KCNG3: variants seen among roughly 807,000 people sequenced by gnomAD.
KCNG3 encodes potassium voltage-gated channel modifier subfamily G member 3.
Under a neutral mutation model 29.0 loss-of-function variants are expected in KCNG3, and 15 were observed. The ratio of observed to expected loss-of-function variants is 0.52; its 90% confidence interval spans 0.35 to 0.80. The LOEUF (loss-of-function observed/expected upper bound fraction) is 0.80, where lower values mean the gene tolerates loss of function less well. Ranked by LOEUF, KCNG3 falls within the 30% of genes least tolerant of loss-of-function variation. The pLI is 0.01. For missense variants in KCNG3, 512 were observed against 605.7 expected, an observed-to-expected ratio of 0.85 and a Z score of 1.62; for synonymous variants, 322 against 248.9, an observed-to-expected ratio of 1.29 and a Z score of -2.76.
chr2:42,418,029 T>C, the KCNG3 span, among the ~76,000 whole-genome samples: 1 of 151,608 alleles, frequency 6.6e-6, no homozygotes, highest in African/African-American at 2.4e-5. Flanking sequence ...ATATATATAC[T>C]GACACAAAAT....
the KCNG3 span, among the ~76,000 whole-genome samples, chr2:42,394,248 G>A: frequency 6.6e-6 from 1 of 152,130 alleles, no homozygotes; most frequent in African/African-American, 2.4e-5. Context: ...AAGTGATAAG[G>A]GGCCCAACAA....
chr2:42,397,513 G>T, the KCNG3 span, among the ~76,000 whole-genome samples: 1 of 152,028 alleles, frequency 6.6e-6, no homozygotes, highest in African/African-American at 2.4e-5. Context: ...TTCAACTTTG[G>T]AATTATGGTT....
At chr2:42,401,288 AAG>A in the KCNG3 span, among the ~76,000 whole-genome samples, 1 of 150,444 alleles carries the variant, frequency 6.6e-6, no homozygotes, top group East Asian at 1.9e-4. Flanking sequence ...ACATTTTAAA[AAG>A]AAGAAAACAA....
At chr2:42,400,333 G>C in the KCNG3 span, among the ~76,000 whole-genome samples, 2 of 152,182 alleles carry the variant, frequency 1.3e-5, no homozygotes, top group Admixed American at 6.5e-5. Flanking sequence ...AAGAGACCAT[G>C]ACAGTGCCCA....
intron 1 of KCNG3, among the ~76,000 whole-genome samples, chr2:42,446,184 T>A (rs182194156): frequency 2.6e-5 from 4 of 151,758 alleles, no homozygotes; most frequent in Non-Finnish European, 5.9e-5. Flanking sequence ...ATTTTTTATT[T>A]TTTTTTAATT....
intron 1 of KCNG3, among the ~76,000 whole-genome samples, chr2:42,468,905 G>C (rs1476588447): frequency 7.9e-6 from 1 of 125,820 alleles, no homozygotes; most frequent in Non-Finnish European, 1.6e-5. Flanking sequence ...AGTGAGTCGA[G>C]ATCATGCCAC....
chr2:42,483,727 T>G (rs760222651), intron 1 of KCNG3, among the ~76,000 whole-genome samples: 2 of 152,188 alleles, frequency 1.3e-5, no homozygotes, highest in Non-Finnish European at 2.9e-5. Context: ...ATCCATGCAG[T>G]GGAATGCTAT....
chr2:42,487,491 A>G (rs113516838), intron 1 of KCNG3, among the ~76,000 whole-genome samples: 5,746 of 152,118 alleles, frequency 0.038, 130 homozygotes, highest in Middle Eastern at 0.082. Context: ...AGGTATAAAT[A>G]TCTCATTTTT....
At chr2:42,399,415 T>A in the KCNG3 span, among the ~76,000 whole-genome samples, 1 of 152,170 alleles carries the variant, frequency 6.6e-6, no homozygotes, top group African/African-American at 2.4e-5. Context: ...TTCCTCTGAG[T>A]AACGTGATGT....
the KCNG3 span, among the ~76,000 whole-genome samples, chr2:42,412,321 A>ATT: frequency 6.6e-6 from 1 of 152,250 alleles, no homozygotes; most frequent in Non-Finnish European, 1.5e-5. Context: ...TGAAGGCCTA[A>ATT]TTATTTTGGA....
At chr2:42,466,404 T>C (rs1416287442) in intron 1 of KCNG3, among the ~76,000 whole-genome samples, 1 of 152,146 alleles carries the variant, frequency 6.6e-6, no homozygotes, top group Non-Finnish European at 1.5e-5. Context: ...AGAGACTCTG[T>C]CTCAAACAAA....
the KCNG3 span, among the ~76,000 whole-genome samples, chr2:42,390,522 C>T: frequency 1.3e-5 from 2 of 152,056 alleles, no homozygotes; most frequent in African/African-American, 4.8e-5. Context: ...TCCCCAGGGG[C>T]AAAAGTGAAC....
rs760138394 is a variant in KCNG3 at position 42,493,047 on chromosome 2, C to T, written c.455G>A (p.Arg152His). Reference protein sequence around the residue: ...PGGAEAAPSRRWLERMRRTFE... With the variant: ...PGGAEAAPSRHWLERMRRTFE... ...GGTCCGCCGCATGCGCTCCAGCCAG[C>T]GCCTGGAGGGAGCCGCCTCGGCCCC... The change falls in exon 1 of 2, where the codon CGC (arginine) becomes CAC (histidine). Residue 152 changes from arginine (R) to histidine (H), a missense_variant. Arg to His is a conservative substitution (Grantham distance 29). Around this residue, in one of 5 missense-constraint regions of KCNG3, gnomAD observed 228 missense variants for 200.0 expected, o/e 1.14. Coordinates refer to ENST00000306078, the MANE Select transcript of KCNG3 (RefSeq NM_133329.6). The T allele has an allele frequency of 6.6e-7, 1 of 1,521,790 alleles. No individual in the cohort carries two copies. The highest frequency in any genetic ancestry group is 8.8e-7 in the Non-Finnish European group (1 of 1,139,532). 94.3% of individuals were successfully genotyped at this position (1,521,790 alleles called of 1,614,324 possible).
Position 42,492,900 on chromosome 2 carries a change from G to C in KCNG3, c.602C>G (p.Ala201Gly). Residue 201 changes from alanine (A) to glycine (G), a missense_variant, in exon 1 of 2, where the codon GCC becomes GGC. Physicochemically the swap from Ala to Gly is moderately conservative, Grantham distance 60. Around this residue, in one of 5 missense-constraint regions of KCNG3, gnomAD observed 228 missense variants for 200.0 expected, o/e 1.14. Transcript: ENST00000306078. The stretch of plus-strand genomic sequence containing the variant: ...CCGGTCATCCAGGCTGCGGTTGTCG[G>C]CGGCTGCGTTGCGCCAGTCGGGCAA... ...STLPDWRNAA[A>G]DNRSLDDRSR... 6.4e-7 allele frequency: 1 copy of C among 1,567,448 alleles called. No homozygotes were observed. The highest frequency in any genetic ancestry group is 8.6e-7 in the Non-Finnish European group (1 of 1,161,898).
intron 1 of KCNG3, chr2:42,469,951 CCTT>C (rs1673246084): frequency 2.6e-6 from 1 of 383,628 alleles, no homozygotes; most frequent in African/African-American, 2.1e-5. Flanking sequence ...AGGCCTGACT[CCTT>C]CACAAACCGG....
At chr2:42,417,408 C>A in the KCNG3 span, among the ~76,000 whole-genome samples, 1 of 152,022 alleles carries the variant, frequency 6.6e-6, no homozygotes, top group African/African-American at 2.4e-5. Context: ...GGGGCCTTGA[C>A]CTCCCAGGCT....
chr2:42,493,308 C>T lies in KCNG3; in HGVS notation c.194G>A (p.Arg65Gln). ...DRERNEYFFD[R>Q]HSEAFGFILL... ...GATGAAGCCGAAGGCCTCCGAGTGC[C>T]GGTCGAAGAAGTACTCGTTGCGCTC... Residue 65 changes from arginine (R) to glutamine (Q), a missense_variant, in exon 1 of 2, where the codon CGG becomes CAG. This residue lies in a region of KCNG3 where 91 missense variants were observed against 91.1 expected (regional missense o/e 1.00). Coordinates refer to ENST00000306078, the MANE Select transcript of KCNG3 (RefSeq NM_133329.6). The T allele has an allele frequency of 1.2e-6, 2 of 1,610,452 alleles. No individual in the cohort carries two copies. Among genetic ancestry groups the T allele is most frequent in the Non-Finnish European group, 1.7e-6 (2 of 1,178,908 alleles).
Position 42,451,882 on chromosome 2 carries a change from A to G in KCNG3, c.666-7303T>C, listed in dbSNP as rs75820996. ...GCCACTACACTCCAGCCTGGGCAAC[A>G]GAGTGAGACCCTACCTCAAAAACAA... On this transcript the variant is annotated intron_variant, in intron 1 of 1. Transcript: ENST00000306078. Among the ~76,000 whole-genome samples the G allele has an allele frequency of 2.6e-4, 40 of 152,206 alleles. 1 individual carries two copies. The East Asian group carries it at 5.2e-3, about 20-fold the overall frequency.
At position 42,444,608 on chromosome 2, in the gene KCNG3, C is replaced by T. The variant is rs749148491; in HGVS notation, c.666-29G>A. 2 of 1,566,942 alleles carry T rather than the reference C, an allele frequency of 1.3e-6. No homozygotes were observed. The highest frequency in any genetic ancestry group is 2.4e-5 in the South Asian group (2 of 83,420). ...TCAAGAGAACAAAAGAAGAATTGAT[C>T]ATTTTATTTTTAAGCATTTTAATAG... On this transcript the variant is annotated intron_variant, in intron 1 of 1. Transcript: ENST00000306078. This position sits in a 1 kb window ranked among gnomAD's most constrained non-coding sequence, Gnocchi z 5.8.
Sources: gnomAD v4.1 joint callset for allele counts (sites outside exome capture counted in the v4.1 genomes callset) on GRCh38, gnomAD v4.1.1 for gene constraint, gnomAD v4.1.1 regional missense constraint, Gnocchi (gnomAD v3.1) non-coding constraint, MANE v1.5 for transcripts, NCBI Gene and HGNC (gene_info 2026-07-23, HGNC 2026-07-21) for gene names.